ZNF787: variants seen among roughly 807,000 people sequenced by gnomAD.
ZNF787 encodes the protein zinc finger protein 787, also known as TTF-I-interacting peptide 20.
Under a neutral mutation model 16.9 loss-of-function variants are expected in ZNF787, and 7 were observed. The observed-to-expected ratio is 0.42, with a 90% CI of 0.24 to 0.78. The LOEUF is 0.78. Ranked by LOEUF, ZNF787 falls within the 30% of genes least tolerant of loss-of-function variation. The probability of loss-of-function intolerance (pLI) is 0.30; values close to 1 mark genes in which losing one functional copy is unlikely to be tolerated. For missense variants in ZNF787, 551 were observed against 589.3 expected, an observed-to-expected ratio of 0.94 and a Z score of 0.67; for synonymous variants, 345 against 270.9, an observed-to-expected ratio of 1.27 and a Z score of -2.69.
intron 1 of ZNF787, among the ~76,000 whole-genome samples, chr19:56,113,400 C>A (rs2030038673): frequency 6.6e-6 from 1 of 152,192 alleles, no homozygotes; most frequent in African/African-American, 2.4e-5. Context: ...TGCGTCCGTC[C>A]ACGCAAAAAT....
rs190120090 is a variant in ZNF787, at chr19:56,091,817, C to T, written c.80-2725G>A. ...TGCATCTCAGTAAGGCCCAGGAAAC[C>T]GCGCTTCACAGGCACAGACTGGTTT... On this transcript the variant is annotated intron_variant, in intron 2 of 2. Coordinates refer to ENST00000610935, the MANE Select transcript of ZNF787 (RefSeq NM_001002836.4). Among the ~76,000 whole-genome samples, 38 of 152,314 alleles carry T rather than the reference C, an allele frequency of 2.5e-4. No individual in the cohort carries two copies. The East Asian group carries it at 6.9e-3, about 28-fold the overall frequency.
At position 56,087,932 on chromosome 19, in the gene ZNF787, G is replaced by C. The variant is rs1985364139; in HGVS notation, c.*91C>G. 7.8e-7 allele frequency: 1 copy of C among 1,286,960 alleles called. No individual in the cohort carries two copies. Among genetic ancestry groups the C allele is most frequent in the African/African-American group, 1.6e-5 (1 of 63,040 alleles). 79.7% of individuals were successfully genotyped at this position (1,286,960 alleles called of 1,614,324 possible). ...GATGCCGCGGGGTCCATCGCACCCC[G>C]TCCGCTTCTCCCTGGGTCTCTTGGT... On this transcript the variant is annotated 3_prime_UTR_variant, in exon 3 of 3. Transcript: ENST00000610935.
intron 1 of ZNF787, among the ~76,000 whole-genome samples, chr19:56,120,086 G>T (rs1321835452): frequency 6.6e-6 from 1 of 152,170 alleles, no homozygotes; most frequent in Non-Finnish European, 1.5e-5. Flanking sequence ...CTCCATCAGG[G>T]GTCTGGTCAC....
intron 2 of ZNF787, among the ~76,000 whole-genome samples, chr19:56,100,932 G>T (rs1395816040): frequency 2.0e-5 from 1 of 48,802 alleles, no homozygotes; most frequent in African/African-American, 8.4e-5. Flanking sequence ...CCACCCCCAC[G>T]AACGATGTCT....
chr19:56,113,437 C>T (rs2030040238), intron 1 of ZNF787, among the ~76,000 whole-genome samples: 1 of 152,206 alleles, frequency 6.6e-6, no homozygotes, highest in Admixed American at 6.5e-5. Context: ...ACAGAAGCAT[C>T]AGGCATAACA....
Position 56,087,907 on chromosome 19 carries a change from G to A in ZNF787, c.*116C>T. ...GGACAGAGGAGGGCGGGGAGCCGGG[G>A]ATGCCGCGGGGTCCATCGCACCCCG... On this transcript the variant is annotated 3_prime_UTR_variant, in exon 3 of 3. Transcript: ENST00000610935. The A allele has an allele frequency of 3.9e-6, 5 of 1,273,718 alleles. No homozygotes were observed. The highest frequency in any genetic ancestry group is 3.2e-5 in the African/African-American group (2 of 63,254). The allele number at this position is 1,273,718 out of a possible 1,614,324, so 78.9% of individuals were successfully genotyped here.
chr19:56,090,379 G>T (rs1381715098), intron 2 of ZNF787, among the ~76,000 whole-genome samples: 1 of 152,032 alleles, frequency 6.6e-6, no homozygotes, highest in Non-Finnish European at 1.5e-5. Flanking sequence ...TAGTAGACTG[G>T]GTCCAAGAAA....
At chr19:56,094,811 C>T (rs1242918790) in intron 2 of ZNF787, among the ~76,000 whole-genome samples, 1 of 152,038 alleles carries the variant, frequency 6.6e-6, no homozygotes, top group Non-Finnish European at 1.5e-5. Context: ...GATCACCAGG[C>T]ATTAGATTCT....
At chr19:56,112,633 C>G (rs528523860) in intron 1 of ZNF787, among the ~76,000 whole-genome samples, 1 of 151,604 alleles carries the variant, frequency 6.6e-6, no homozygotes, top group African/African-American at 2.4e-5. Flanking sequence ...CTGGCACCCA[C>G]CTGCTTTCTT....
At position 56,088,310 on chromosome 19, in the gene ZNF787, C is replaced by G; in HGVS notation, c.862G>C (p.Gly288Arg). Residue 288 changes from glycine to arginine, a missense_variant, in exon 3 of 3, where the codon GGC (glycine) becomes CGC (arginine). Around this residue, in one of 4 missense-constraint regions of ZNF787, gnomAD observed 392 missense variants for 312.7 expected, o/e 1.25. Coordinates refer to ENST00000610935, the MANE Select transcript of ZNF787 (RefSeq NM_001002836.4). This position sits in a 1 kb window ranked among gnomAD's most constrained non-coding sequence, Gnocchi z 8.6. Reference protein sequence around the residue: ...KPYVCLECGKGFGHGAGLLAH... With the variant: ...KPYVCLECGKRFGHGAGLLAH... ...AGGAGCCCGGCCCCGTGCCCGAAGC[C>G]CTTCCCGCACTCCAGACACACGTAC... 1 of 1,326,452 alleles carries G rather than the reference C, an allele frequency of 7.5e-7. No homozygotes were observed. The highest frequency in any genetic ancestry group is 9.6e-7 in the Non-Finnish European group (1 of 1,040,998). The allele number at this position is 1,326,452 out of a possible 1,614,324, so 82.2% of individuals were successfully genotyped here.
At position 56,087,420 on chromosome 19, in the gene ZNF787, G is replaced by A. The variant is rs987273863; in HGVS notation, c.*603C>T. ...AGCACCCCTTCCTCCACCACGCCCA[G>A]GCCTGGGACAAACGGGCACCCGCCT... is the stretch of plus-strand genomic sequence containing the variant. On this transcript the variant is annotated 3_prime_UTR_variant, in exon 3 of 3. Coordinates refer to ENST00000610935, the MANE Select transcript of ZNF787 (RefSeq NM_001002836.4). 3 of 152,324 alleles carry A rather than the reference G, an allele frequency of 2.0e-5. No individual in the cohort carries two copies. Among genetic ancestry groups the A allele is most frequent in the Non-Finnish European group, 4.4e-5 (3 of 68,166 alleles). The allele number at this position is 152,324 out of a possible 1,614,324, so 9.4% of individuals were successfully genotyped here.
At chr19:56,093,337 C>T (rs980428334) in intron 2 of ZNF787, among the ~76,000 whole-genome samples, 1 of 152,044 alleles carries the variant, frequency 6.6e-6, no homozygotes, top group African/African-American at 2.4e-5. Context: ...ATTCCATAGA[C>T]GCAGGAGATG....
At chr19:56,120,913 C>A (rs1200267607) in intron 1 of ZNF787, among the ~76,000 whole-genome samples, 1 of 139,154 alleles carries the variant, frequency 7.2e-6, no homozygotes, top group Middle Eastern at 3.6e-3. Context: ...CGCGCACCCC[C>A]CCTCCAGCCC....
intron 1 of ZNF787, among the ~76,000 whole-genome samples, chr19:56,110,705 C>G (rs1036564405): frequency 1.3e-4 from 20 of 152,214 alleles, no homozygotes; most frequent in African/African-American, 4.8e-4. Context: ...CAGCTCAGAG[C>G]CTTCCCCTGG....
At position 56,088,192 on chromosome 19, in the gene ZNF787, A is replaced by C. The variant is rs2123384682; in HGVS notation, c.980T>G (p.Val327Gly). ...GTGTCTCCGGAGCGCGGCGCCCTGC[A>C]CGAAGCCCTCCCCGCACTCCACGCA... Reference protein sequence around the residue: ...HICVECGEGFVQGAALRRHKK... With the variant: ...HICVECGEGFGQGAALRRHKK... Residue 327 changes from valine (V) to glycine (G), a missense_variant, in exon 3 of 3, where the codon GTG becomes GGG. Physicochemically the swap from Val to Gly is moderately radical, Grantham distance 109. This residue lies in a region of ZNF787 where 392 missense variants were observed against 312.7 expected (regional missense o/e 1.25). Coordinates refer to ENST00000610935, the MANE Select transcript of ZNF787 (RefSeq NM_001002836.4). This position sits in a 1 kb window ranked among gnomAD's most constrained non-coding sequence, Gnocchi z 8.6. The C allele has an allele frequency of 6.5e-7, 1 of 1,540,668 alleles. No homozygotes were observed. Among genetic ancestry groups the C allele is most frequent in the East Asian group, 2.7e-5 (1 of 37,450 alleles).
At chr19:56,099,390 G>A (rs542953303) in intron 2 of ZNF787, among the ~76,000 whole-genome samples, 17 of 152,324 alleles carry the variant, frequency 1.1e-4, no homozygotes, top group African/African-American at 4.1e-4. Flanking sequence ...AGCATTTCAT[G>A]GAGCAGAGAG....
At chr19:56,093,560 C>T (rs1435128568) in intron 2 of ZNF787, among the ~76,000 whole-genome samples, 2 of 152,134 alleles carry the variant, frequency 1.3e-5, no homozygotes, top group South Asian at 2.1e-4. Flanking sequence ...GACTGACCTG[C>T]TCACACCCTC....
chr19:56,091,386 T>A (rs1346160343), intron 2 of ZNF787, among the ~76,000 whole-genome samples: 1 of 152,204 alleles, frequency 6.6e-6, no homozygotes, highest in Non-Finnish European at 1.5e-5. Context: ...ACAAAACTTG[T>A]GACACAGTGG....
intron 1 of ZNF787, among the ~76,000 whole-genome samples, chr19:56,108,386 A>C (rs192683259): frequency 1.4e-4 from 6 of 43,304 alleles, no homozygotes; most frequent in African/African-American, 2.5e-4. Context: ...CCCTCCACCC[A>C]ACCCCTGCCC....
Sources: gnomAD v4.1 joint callset for allele counts (sites outside exome capture counted in the v4.1 genomes callset) on GRCh38, gnomAD v4.1.1 for gene constraint, gnomAD v4.1.1 regional missense constraint, Gnocchi (gnomAD v3.1) non-coding constraint, MANE v1.5 for transcripts, NCBI Gene and HGNC (gene_info 2026-07-23, HGNC 2026-07-21) for gene names.